The following FOXP2 variants were observed in gnomAD, a reference collection of about 807,000 sequenced individuals.
FOXP2 encodes the protein forkhead box protein P2.
Under a neutral mutation model 115.8 loss-of-function variants are expected in FOXP2, and 12 were observed. The ratio of observed to expected loss-of-function variants is 0.10; its 90% CI spans 0.07 to 0.17. The LOEUF (loss-of-function observed/expected upper bound fraction) is 0.17. Ranked by LOEUF, FOXP2 falls within the 10% of genes least tolerant of loss-of-function variation. The pLI is 1.00. For missense variants in FOXP2, 629 were observed against 843.5 expected, an observed-to-expected ratio of 0.75 and a Z score of 3.15; for synonymous variants, 328 against 297.7, an observed-to-expected ratio of 1.10 and a Z score of -1.05.
chr7:114,171,245 GAA>G (rs1234960474), intron 1 of FOXP2, among the ~76,000 whole-genome samples: 1 of 152,084 alleles, frequency 6.6e-6, no homozygotes, highest in East Asian at 1.9e-4. Context: ...TCCTGCTCAG[GAA>G]AAAAGTTTCT....
At chr7:114,564,596 A>G (rs1289128625) in intron 3 of FOXP2, among the ~76,000 whole-genome samples, 1 of 152,122 alleles carries the variant, frequency 6.6e-6, no homozygotes, top group African/African-American at 2.4e-5. Flanking sequence ...ATCTAGAAAT[A>G]TGACCAGGTG....
chr7:114,428,384 C>T (rs941511821), intron 2 of FOXP2, among the ~76,000 whole-genome samples: 1 of 151,340 alleles, frequency 6.6e-6, no homozygotes, highest in Admixed American at 6.6e-5. Context: ...GTGTTTATAA[C>T]CTGAGTTTGA....
chr7:114,490,166 C>T (rs1796968528), intron 2 of FOXP2, among the ~76,000 whole-genome samples: 2 of 152,116 alleles, frequency 1.3e-5, no homozygotes, highest in South Asian at 2.1e-4. Context: ...ATGGAAGCAA[C>T]CAAGATGTCT....
chr7:114,356,837 T>G (rs1019391049), intron 2 of FOXP2, among the ~76,000 whole-genome samples: 3 of 152,212 alleles, frequency 2.0e-5, no homozygotes, highest in African/African-American at 7.2e-5. Flanking sequence ...ATTGAATGAA[T>G]GAATACCTAT....
intron 1 of FOXP2, among the ~76,000 whole-genome samples, chr7:114,106,497 G>A (rs181083738): frequency 6.6e-6 from 1 of 151,830 alleles, no homozygotes; most frequent in Admixed American, 6.6e-5. Flanking sequence ...TATTAATTTT[G>A]AGGAGCTGGA....
chr7:114,407,068 G>C (rs774100858), intron 2 of FOXP2, among the ~76,000 whole-genome samples: 13 of 152,084 alleles, frequency 8.5e-5, no homozygotes, highest in African/African-American at 2.4e-4. Flanking sequence ...AAAAGACAGA[G>C]CTGAAGGCTT....
intron 2 of FOXP2, among the ~76,000 whole-genome samples, chr7:114,340,159 G>A (rs2129184187): frequency 6.6e-6 from 1 of 151,162 alleles, no homozygotes; most frequent in South Asian, 2.1e-4. Flanking sequence ...TTGGGTTAGA[G>A]CTTAATAAGA....
At position 114,282,519 on chromosome 7, in the gene FOXP2, A is replaced by G. The variant is rs1248400650; in HGVS notation, c.-101-5500A>G. On this transcript the variant is annotated intron_variant, in intron 1 of 17. Transcript: ENST00000634411. ...TCTCTGTCCTGGTTTATATCTTACT[A>G]TCTATTCTACCTAAAATTTCATTTT... Among the ~76,000 whole-genome samples, 3 of 152,274 alleles carry G rather than the reference A, an allele frequency of 2.0e-5. No individual in the cohort carries two copies. The South Asian group carries it at 6.2e-4, about 32-fold the overall frequency.
chr7:114,685,264 G>A (rs1290545114), intron 16 of FOXP2, among the ~76,000 whole-genome samples: 1 of 152,090 alleles, frequency 6.6e-6, no homozygotes, highest in Admixed American at 6.6e-5. Context: ...CTAGTCATAT[G>A]CATACAGTAG....
chr7:114,637,206 C>G (rs555931914), intron 6 of FOXP2, among the ~76,000 whole-genome samples: 12 of 152,012 alleles, frequency 7.9e-5, no homozygotes, highest in Non-Finnish European at 1.8e-4. Context: ...GTATGATAGA[C>G]AATTTGATTA....
intron 2 of FOXP2, among the ~76,000 whole-genome samples, chr7:114,489,051 T>C (rs944454360): frequency 6.6e-6 from 1 of 152,188 alleles, no homozygotes; most frequent in African/African-American, 2.4e-5. Context: ...TTTCAGATCA[T>C]TTTGTCAGTG....
At chr7:114,158,848 G>A (rs1396292787), upstream of FOXP2, among the ~76,000 whole-genome samples, 1 of 152,046 alleles carries the variant, frequency 6.6e-6, no homozygotes, top group African/African-American at 2.4e-5. Context: ...TTCCATAACT[G>A]TTGGTTGTTT....
At chr7:114,208,855 C>T (rs1244246529) in intron 1 of FOXP2, among the ~76,000 whole-genome samples, 1 of 152,156 alleles carries the variant, frequency 6.6e-6, no homozygotes, top group East Asian at 1.9e-4. Context: ...GAGGCCTCCC[C>T]AGCCACGTGG....
intron 2 of FOXP2, among the ~76,000 whole-genome samples, chr7:114,447,377 G>A (rs891186629): frequency 2.0e-5 from 3 of 151,718 alleles, no homozygotes; most frequent in African/African-American, 7.3e-5. Context: ...CGCACCCTTC[G>A]ATACTTATAA....
intron 3 of FOXP2, among the ~76,000 whole-genome samples, chr7:114,577,834 G>A (rs549859170): frequency 6.6e-6 from 1 of 152,008 alleles, no homozygotes; most frequent in East Asian, 1.9e-4. Flanking sequence ...AGCCAGTATA[G>A]AATGAGAGTA....
intron 1 of FOXP2, among the ~76,000 whole-genome samples, chr7:114,155,937 G>A (rs928120940): frequency 6.6e-6 from 1 of 152,112 alleles, no homozygotes; most frequent in East Asian, 1.9e-4. Context: ...CTCTTCCCTT[G>A]GGGTGCACTG....
intron 2 of FOXP2, among the ~76,000 whole-genome samples, chr7:114,304,288 A>G (rs1327983543): frequency 5.9e-5 from 9 of 152,078 alleles, no homozygotes. Flanking sequence ...AGGAGGCTCA[A>G]TGCTAGACTC....
chr7:114,506,411 A>G (rs907650331), intron 2 of FOXP2, among the ~76,000 whole-genome samples: 2 of 151,658 alleles, frequency 1.3e-5, no homozygotes, highest in East Asian at 3.8e-4. Context: ...TCTTGTATCA[A>G]TTATATAAGT....
intron 1 of FOXP2, among the ~76,000 whole-genome samples, chr7:114,198,510 A>C (rs989299150): frequency 6.6e-6 from 1 of 152,200 alleles, no homozygotes; most frequent in African/African-American, 2.4e-5. Context: ...TTCTCATAAG[A>C]AACATGCAAC....
Sources: gnomAD v4.1 joint callset for allele counts (sites outside exome capture counted in the v4.1 genomes callset) on GRCh38, gnomAD v4.1.1 for gene constraint, MANE v1.5 for transcripts, NCBI Gene and HGNC (gene_info 2026-07-23, HGNC 2026-07-21) for gene names.